SLC26A3: variants seen among roughly 807,000 people sequenced by gnomAD.
SLC26A3 encodes chloride anion exchanger.
SLC26A3 carries 64 observed loss-of-function variants against 85.6 expected under a neutral mutation model. That is an observed-to-expected ratio of 0.75 (90% confidence interval 0.61 to 0.92). The LOEUF (loss-of-function observed/expected upper bound fraction) is 0.92, where lower values mean the gene tolerates loss of function less well. SLC26A3 is among the 40% of genes least tolerant of loss of function. SLC26A3 has a pLI of 0.00. For missense variants in SLC26A3, 922 were observed against 927.3 expected (o/e 0.99, Z 0.07); for synonymous variants, 349 against 336.0 (o/e 1.04, Z -0.42).
In SLC26A3 at chr7:107,789,688, A is replaced by G. The variant is rs1369739428; in HGVS notation, c.571T>C (p.Leu191=). ...SVTVLSGIIQ[L]AFGILRIGFV... ...CCAATCCGCAGAATCCCAAAAGCCA[A>G]CTGGAAAGAGAACAAAAGCCTTTGT... Residue 191 remains leucine (L), a splice_region_variant and synonymous_variant, in exon 6 of 21, where the codon TTG becomes CTG. Transcript: ENST00000340010. 5 of 1,612,812 alleles carry G rather than the reference A, an allele frequency of 3.1e-6. No individual in the cohort carries two copies. The highest frequency in any genetic ancestry group is 4.5e-5 in the East Asian group (2 of 44,864).
intron 13 of SLC26A3, among the ~76,000 whole-genome samples, chr7:107,777,261 C>G (rs1794132242): frequency 6.6e-6 from 1 of 152,136 alleles, no homozygotes; most frequent in Non-Finnish European, 1.5e-5. Context: ...TCAAAATAGG[C>G]TGAGCAACCA....
chr7:107,802,742 CTTTTT>C (rs35087147), intron 1 of SLC26A3, among the ~76,000 whole-genome samples: 15 of 110,768 alleles, frequency 1.4e-4, no homozygotes, highest in Non-Finnish European at 2.4e-4. Context: ...TTAAAGCTTG[CTTTTT>C]TTTTTTTTTT....
At chr7:107,768,193 G>T (rs1010909867) in intron 18 of SLC26A3, among the ~76,000 whole-genome samples, 61 of 152,304 alleles carry the variant, frequency 4.0e-4, no homozygotes, top group African/African-American at 1.4e-3. Flanking sequence ...ATTCATTTAG[G>T]CAGGAGCCTA....
At chr7:107,780,531 G>A (rs768446123) in intron 11 of SLC26A3, among the ~76,000 whole-genome samples, 8 of 152,078 alleles carry the variant, frequency 5.3e-5, no homozygotes, top group South Asian at 2.1e-4. Context: ...GCCCCTCACC[G>A]TCCTGTTCCC....
chr7:107,791,115 A>G lies in SLC26A3; in HGVS notation c.503T>C (p.Leu168Pro), dbSNP rs1794392668. The G allele has an allele frequency of 1.2e-6, 2 of 1,614,212 alleles. No homozygotes were observed. Among genetic ancestry groups the G allele is most frequent in the African/African-American group, 1.3e-5 (1 of 75,052 alleles). Reference protein sequence around the residue: ...GLPNNSNNSSLLDDERVRVAA... With the variant: ...GLPNNSNNSSPLDDERVRVAA... ...CACCCTCACCCTCTCGTCATCCAGT[A>G]GTGAAGAATTATTCGAGTTGTTAGG... The change falls in exon 5 of 21, where the codon CTA becomes CCA. Residue 168 changes from leucine (L) to proline (P), a missense_variant. Transcript: ENST00000340010.
chr7:107,775,010 T>A, intron 15 of SLC26A3, 138 bp from the exon 16 acceptor site: 1 of 743,708 alleles, frequency 1.3e-6, no homozygotes, highest in Non-Finnish European at 2.4e-6. Context: ...TTAAAAGTGG[T>A]TTAAACAATA....
chr7:107,770,745 T>G (rs1420165898), intron 18 of SLC26A3, among the ~76,000 whole-genome samples: 1 of 152,198 alleles, frequency 6.6e-6, no homozygotes, highest in African/African-American at 2.4e-5. Context: ...AAGTCTTTAC[T>G]GAATGCCCAT....
intron 1 of SLC26A3, among the ~76,000 whole-genome samples, chr7:107,798,059 A>G (rs956269523): frequency 6.6e-6 from 1 of 152,050 alleles, no homozygotes; most frequent in Non-Finnish European, 1.5e-5. Flanking sequence ...TACTAATTAT[A>G]GAATCCCAAG....
intron 7 of SLC26A3, among the ~76,000 whole-genome samples, 168 bp from the exon 8 acceptor site, chr7:107,787,077 G>A (rs899772553): frequency 6.6e-6 from 1 of 152,202 alleles, no homozygotes; most frequent in African/African-American, 2.4e-5. Flanking sequence ...CATGCCGCCA[G>A]GATTGAGAAC....
In SLC26A3 at chr7:107,771,543, T is replaced by A. The variant is rs1392602039; in HGVS notation, c.2062+511A>T. Among the ~76,000 whole-genome samples the A allele has an allele frequency of 2.0e-5, 3 of 152,188 alleles. 1 individual carries two copies. Among genetic ancestry groups the A allele is most frequent in the Middle Eastern group, 6.8e-3 (2 of 294 alleles). ...TGAGAGGTAGGAGGTGAATAAGAAC[T>A]GTCCTGCCAGAGTCAGGGAGGGAGA... On this transcript the variant is annotated intron_variant, in intron 18 of 20. Transcript: ENST00000340010.
rs753598126 is a variant in SLC26A3 at position 107,782,890 on chromosome 7, A to G, written c.1234-16T>C. On this transcript the variant is annotated splice_polypyrimidine_tract_variant and intron_variant, in intron 10 of 20. Transcript: ENST00000340010. ...GCCCAGCAATCTGTGAGGATAAAAA[A>G]ATTATCATCACCAACTCAACTTTTC... 5 of 1,613,808 alleles carry G rather than the reference A, an allele frequency of 3.1e-6. No homozygotes were observed. In the East Asian group the frequency reaches 1.1e-4, roughly 36 times the overall value.
chr7:107,765,728 C>A lies in SLC26A3; in HGVS notation c.*127G>T. On this transcript the variant is annotated 3_prime_UTR_variant, in exon 21 of 21. Coordinates refer to ENST00000340010, the MANE Select transcript of SLC26A3 (RefSeq NM_000111.3). ...TATGCCATGCTAGAACCATCTTGTT[C>A]CAAAGTTTGAAACATATTCTGTCAA... 1.4e-6 allele frequency: 1 copy of A among 714,716 alleles called. No individual in the cohort carries two copies. The highest frequency in any genetic ancestry group is 2.5e-6 in the Non-Finnish European group (1 of 403,922). 44.3% of individuals were successfully genotyped at this position (714,716 alleles called of 1,614,324 possible).
In SLC26A3 at chr7:107,791,855, G is replaced by T. The variant is rs73419912; in HGVS notation, c.357C>A (p.Phe119Leu). The change falls in exon 4 of 21, where the codon TTC becomes TTA. Residue 119 changes from phenylalanine to leucine, a missense_variant. Phe to Leu is a conservative substitution (Grantham distance 22). Transcript: ENST00000340010. ...SFFPAIIYLFFGTSRHISVGP... is the reference protein window; with the variant it reads ...SFFPAIIYLFLGTSRHISVGP... ...CCACGGATATGTGTCTGGAAGTGCC[G>T]AAGAAAAGGTAGATTATGGCTGGGA... The T allele has an allele frequency of 0.011, 18,199 of 1,612,342 alleles. 147 individuals carry two copies. The highest frequency in any genetic ancestry group is 0.013 in the Non-Finnish European group (15,850 of 1,178,472).
intron 2 of SLC26A3, 101 bp from the exon 3 acceptor site, chr7:107,793,982 A>G: frequency 6.9e-7 from 1 of 1,453,488 alleles, no homozygotes; most frequent in Non-Finnish European, 9.6e-7. Context: ...GCTAAAGATT[A>G]AACTAGTAAT....
intron 8 of SLC26A3, among the ~76,000 whole-genome samples, chr7:107,783,805 C>T (rs912593323): frequency 6.6e-6 from 1 of 152,162 alleles, no homozygotes; most frequent in African/African-American, 2.4e-5. Flanking sequence ...TAATAATAAC[C>T]TTTCATGGAA....
intron 1 of SLC26A3, among the ~76,000 whole-genome samples, chr7:107,799,607 G>T (rs530288614): frequency 1.5e-4 from 23 of 152,138 alleles, no homozygotes; most frequent in Non-Finnish European, 2.2e-4. Flanking sequence ...GGCCAGGCTG[G>T]TCTCGAACTC....
intron 11 of SLC26A3, among the ~76,000 whole-genome samples, chr7:107,780,905 A>T (rs529522733): frequency 6.6e-6 from 1 of 152,320 alleles, no homozygotes; most frequent in Admixed American, 6.5e-5. Context: ...GCTGTGTAAG[A>T]TGTCACCATT....
intron 1 of SLC26A3, among the ~76,000 whole-genome samples, chr7:107,798,194 A>C (rs140739395): frequency 6.7e-6 from 1 of 149,294 alleles, no homozygotes; most frequent in African/African-American, 2.5e-5. Flanking sequence ...ATATACCTAC[A>C]TATCTTGGTG....
intron 11 of SLC26A3, among the ~76,000 whole-genome samples, chr7:107,781,605 A>AACATT: frequency 6.6e-6 from 1 of 152,238 alleles, no homozygotes; most frequent in Middle Eastern, 3.4e-3. Flanking sequence ...TTTAGTGGTG[A>AACATT]CTTTTTCATT....
Sources: allele counts gnomAD v4.1 joint callset (sites outside exome capture counted in the v4.1 genomes callset), GRCh38; gene constraint gnomAD v4.1.1; transcripts MANE v1.5; gene names NCBI Gene and HGNC (gene_info 2026-07-23, HGNC 2026-07-21).